FARP1: variants seen among roughly 807,000 people sequenced by gnomAD.
FARP1 encodes FERM, ARHGEF and pleckstrin domain-containing protein 1.
In FARP1, 52 loss-of-function variants were observed where a neutral mutation model predicts 128.8. The observed-to-expected ratio is 0.40, with a 90% CI of 0.32 to 0.51. The LOEUF is 0.51. Ranked by LOEUF, FARP1 falls within the 20% of genes least tolerant of loss-of-function variation. The pLI, the probability that FARP1 is intolerant of heterozygous loss-of-function variation, is 0.45. For missense variants in FARP1, 1,333 were observed against 1,367.9 expected (o/e 0.97, Z 0.40); for synonymous variants, 580 against 551.8 (o/e 1.05, Z -0.72).
chr13:98,388,848 A>G (rs1272776664), intron 9 of FARP1, among the ~76,000 whole-genome samples: 2 of 152,218 alleles, frequency 1.3e-5, no homozygotes, highest in African/African-American at 2.4e-5. Flanking sequence ...TACCCCAGGC[A>G]TAGACTGACT....
intron 2 of FARP1, among the ~76,000 whole-genome samples, chr13:98,309,516 T>C (rs1886356305): frequency 6.6e-6 from 1 of 152,168 alleles, no homozygotes; most frequent in South Asian, 2.1e-4. Context: ...TAGAAACTTT[T>C]AACTTATATT....
At chr13:98,356,426 T>C (rs1279073999) in intron 3 of FARP1, among the ~76,000 whole-genome samples, 2 of 152,148 alleles carry the variant, frequency 1.3e-5, no homozygotes, top group Non-Finnish European at 2.9e-5. Flanking sequence ...AGGATTATGA[T>C]ATATACCACT....
intron 2 of FARP1, among the ~76,000 whole-genome samples, chr13:98,277,148 A>ACACACACACACACAC (rs372627844): frequency 8.7e-5 from 12 of 138,656 alleles, no homozygotes; most frequent in Admixed American, 7.1e-4. Context: ...ACACACACAC[A>ACACACACACACACAC]CCCCATATGT....
At position 98,293,689 on chromosome 13, in the gene FARP1, A is replaced by G. The variant is rs117288539; in HGVS notation, c.172-50073A>G. ...GTGTGTGGAAGTAAAGCCAGGGGCT[A>G]TTGTACTGACAAATAGGAATAGGAG... On this transcript the variant is annotated intron_variant, in intron 2 of 26. Coordinates refer to ENST00000319562, the MANE Select transcript of FARP1 (RefSeq NM_005766.4). Among the ~76,000 whole-genome samples the G allele has an allele frequency of 5.4e-4, 83 of 152,330 alleles. 1 individual carries two copies. The East Asian group carries it at 0.014, about 25-fold the overall frequency.
chr13:98,320,184 G>A (rs1255673192), intron 2 of FARP1, among the ~76,000 whole-genome samples: 3 of 152,096 alleles, frequency 2.0e-5, no homozygotes, highest in African/African-American at 7.2e-5. Context: ...ATTCTCATAC[G>A]TGGGCCTGGA....
chr13:98,166,695 T>A (rs1394985953), intron 1 of FARP1, among the ~76,000 whole-genome samples: 2 of 151,844 alleles, frequency 1.3e-5, no homozygotes, highest in African/African-American at 4.8e-5. Flanking sequence ...CCTGTCCTAA[T>A]CTGATCAGTG....
At chr13:98,286,502 G>A (rs545203311) in intron 2 of FARP1, among the ~76,000 whole-genome samples, 3 of 152,136 alleles carry the variant, frequency 2.0e-5, no homozygotes, top group African/African-American at 7.2e-5. Flanking sequence ...TTATAAGGGG[G>A]TTCTGCTTTT....
At position 98,321,994 on chromosome 13, in the gene FARP1, GATT is replaced by G. The variant is rs1887011922; in HGVS notation, c.172-21767_172-21765del. 2.0e-5 allele frequency among the ~76,000 whole-genome samples: 3 copies of G among 152,302 alleles called. No homozygotes were observed. In the South Asian group the frequency reaches 6.2e-4, roughly 32 times the overall value. ...GTGAGGGTTAAAATGGGTATTGTTT[GATT>G]GAAAAGTACCTAGCACAGGGCCAGG... On this transcript the variant is annotated intron_variant, in intron 2 of 26. Coordinates refer to ENST00000319562, the MANE Select transcript of FARP1 (RefSeq NM_005766.4).
intron 3 of FARP1, among the ~76,000 whole-genome samples, chr13:98,349,959 C>T (rs965192744): frequency 7.9e-5 from 12 of 152,204 alleles, no homozygotes; most frequent in East Asian, 3.9e-4. Flanking sequence ...TGTGCTTAGC[C>T]GCAGCGTCTG....
chr13:98,356,687 A>G (rs11839250), intron 3 of FARP1, among the ~76,000 whole-genome samples: 99,909 of 151,248 alleles, frequency 0.66, 34,087 homozygotes, highest in Non-Finnish European at 0.78. Flanking sequence ...TGCCCAGGCT[A>G]GAGTGTAGTG....
At chr13:98,184,615 A>G (rs1878739037) in intron 1 of FARP1, among the ~76,000 whole-genome samples, 1 of 152,208 alleles carries the variant, frequency 6.6e-6, no homozygotes, top group South Asian at 2.1e-4. Flanking sequence ...AGGGAAAAAA[A>G]TACCAAAATG....
In FARP1 at chr13:98,453,122, A is replaced by C; in HGVS notation, c.*4805A>C. The C allele has an allele frequency of 6.2e-7, 1 of 1,601,212 alleles. No individual in the cohort carries two copies. The highest frequency in any genetic ancestry group is 8.5e-7 in the Non-Finnish European group (1 of 1,170,208). On this transcript the variant is annotated 3_prime_UTR_variant, in exon 27 of 27. Coordinates refer to ENST00000319562, the MANE Select transcript of FARP1 (RefSeq NM_005766.4). ...TCTCGTTGACTTTTAAAAAAGGAGGAGGATGAAGAAGGAAAAAAGGAAAAA... is the reference window on the plus strand; with the variant it reads ...TCTCGTTGACTTTTAAAAAAGGAGGCGGATGAAGAAGGAAAAAAGGAAAAA...
chr13:98,231,599 G>A (rs766078543), intron 2 of FARP1, among the ~76,000 whole-genome samples: 27 of 151,538 alleles, frequency 1.8e-4, no homozygotes, highest in Admixed American at 3.9e-4. Flanking sequence ...CGCCATGCCC[G>A]GCTAATTTTT....
At chr13:98,293,161 T>C (rs1885523010) in intron 2 of FARP1, among the ~76,000 whole-genome samples, 1 of 152,122 alleles carries the variant, frequency 6.6e-6, no homozygotes, top group Non-Finnish European at 1.5e-5. Context: ...TGCCCTATTT[T>C]CCAGTTACAT....
At chr13:98,181,635 TATTTATTTGA>T (rs1317631759) in intron 1 of FARP1, among the ~76,000 whole-genome samples, 21 of 123,046 alleles carry the variant, frequency 1.7e-4, no homozygotes, top group East Asian at 5.1e-4. Flanking sequence ...TTTATTTATT[TATTTATTTGA>T]GAGAGAGAGA....
intron 2 of FARP1, among the ~76,000 whole-genome samples, chr13:98,335,281 T>G (rs1887694082): frequency 6.6e-6 from 1 of 152,200 alleles, no homozygotes; most frequent in Non-Finnish European, 1.5e-5. Context: ...AGGGGCTTAA[T>G]GGACCCACAG....
chr13:98,153,505 GTATAAATATATATTTATATATATATTATA>G (rs1290717773), intron 1 of FARP1, among the ~76,000 whole-genome samples: 2 of 125,052 alleles, frequency 1.6e-5, no homozygotes, highest in African/African-American at 5.7e-5. Context: ...ATAAAAATAT[GTATAAATATATATTTATATATATATTATA>G]TATAAATATG....
At chr13:98,350,337 G>T (rs1888363182) in intron 3 of FARP1, among the ~76,000 whole-genome samples, 1 of 152,126 alleles carries the variant, frequency 6.6e-6, no homozygotes, top group Non-Finnish European at 1.5e-5. Flanking sequence ...TATTTGTATT[G>T]CAGTTTTAAG....
At chr13:98,380,974 G>A (rs1889869855) in intron 6 of FARP1, among the ~76,000 whole-genome samples, 1 of 152,250 alleles carries the variant, frequency 6.6e-6, no homozygotes, top group South Asian at 2.1e-4. Context: ...ATCTGGGAGT[G>A]GAGATTCGCT....
Sources: gnomAD v4.1 joint callset for allele counts (sites outside exome capture counted in the v4.1 genomes callset) on GRCh38, gnomAD v4.1.1 for gene constraint, MANE v1.5 for transcripts, NCBI Gene and HGNC (gene_info 2026-07-23, HGNC 2026-07-21) for gene names.